Variants in NINJ2 observed in about 807,000 individuals in gnomAD.
The protein encoded by NINJ2 is ninjurin-2.
In NINJ2, 12 loss-of-function variants were observed where a neutral mutation model predicts 11.7. That is an observed-to-expected ratio of 1.02 (90% confidence interval 0.66 to 1.66). NINJ2 has a LOEUF of 1.66. Ranked by LOEUF, NINJ2 falls within the 40% of genes most tolerant of loss-of-function variation. The pLI is 0.00. For synonymous variants in NINJ2, 93 were observed against 76.8 expected, an observed-to-expected ratio of 1.21 and a Z score of -1.10; for missense variants, 187 against 181.8, an observed-to-expected ratio of 1.03 and a Z score of -0.16.
intron 1 of NINJ2, among the ~76,000 whole-genome samples, chr12:653,218 C>T (rs1204864545): frequency 1.3e-5 from 2 of 151,734 alleles, no homozygotes; most frequent in Admixed American, 1.3e-4. Context: ...GACGAGGTTT[C>T]ACCTTGTTAG....
chr12:634,001 C>T (rs1458092139), intron 1 of NINJ2, among the ~76,000 whole-genome samples: 1 of 152,134 alleles, frequency 6.6e-6, no homozygotes, highest in African/African-American at 2.4e-5. Context: ...CTCATTCCTG[C>T]CTGTTTCATT....
intron 1 of NINJ2, among the ~76,000 whole-genome samples, chr12:657,230 T>C (rs1228408146): frequency 6.6e-6 from 1 of 152,190 alleles, no homozygotes; most frequent in Non-Finnish European, 1.5e-5. Context: ...GGAGAAAATA[T>C]CTGCAAAAGA....
At chr12:653,622 A>G (rs1385646975) in intron 1 of NINJ2, among the ~76,000 whole-genome samples, 1 of 152,202 alleles carries the variant, frequency 6.6e-6, no homozygotes, top group Non-Finnish European at 1.5e-5. Flanking sequence ...GTTAAAAAAA[A>G]GTACAACTGA....
intron 1 of NINJ2, among the ~76,000 whole-genome samples, chr12:615,740 T>C (rs1243507308): frequency 1.3e-5 from 2 of 152,218 alleles, no homozygotes; most frequent in African/African-American, 4.8e-5. Context: ...GCACGTACCA[T>C]GGGCTATTAG....
chr12:622,907 C>A (rs1339774043), intron 1 of NINJ2, among the ~76,000 whole-genome samples: 1 of 152,096 alleles, frequency 6.6e-6, no homozygotes, highest in Admixed American at 6.5e-5. Flanking sequence ...GTTAGGAAAA[C>A]CTGCTCTTGT....
intron 1 of NINJ2, among the ~76,000 whole-genome samples, chr12:651,174 A>C (rs1457291836): frequency 6.6e-6 from 1 of 152,214 alleles, no homozygotes; most frequent in Non-Finnish European, 1.5e-5. Flanking sequence ...TGTCAGAGAA[A>C]AATCTCCTCA....
At chr12:622,856 C>G (rs1279882865) in intron 1 of NINJ2, among the ~76,000 whole-genome samples, 2 of 152,016 alleles carry the variant, frequency 1.3e-5, no homozygotes, top group South Asian at 4.2e-4. Context: ...CTCCTGAGTT[C>G]ACATGGACCC....
intron 1 of NINJ2, among the ~76,000 whole-genome samples, chr12:601,564 T>A (rs1048052029): frequency 6.0e-5 from 8 of 134,408 alleles, no homozygotes; most frequent in African/African-American, 1.7e-4. Flanking sequence ...AAAAAAAAAA[T>A]AAATAAATAA....
At position 581,477 on chromosome 12, in the gene NINJ2, C is replaced by T. The variant is rs1947554578; in HGVS notation, c.34-15299G>A. Among the ~76,000 whole-genome samples the T allele has an allele frequency of 6.6e-6, 1 of 152,154 alleles. No homozygotes were observed. Among genetic ancestry groups the T allele is most frequent in the Non-Finnish European group, 1.5e-5 (1 of 68,022 alleles). On this transcript the variant is annotated intron_variant, in intron 1 of 3. Coordinates refer to ENST00000305108, the MANE Select transcript of NINJ2 (RefSeq NM_016533.6). The surrounding 1 kb of genome is among the most constrained non-coding windows in gnomAD (Gnocchi z 4.9). ...GAACCAGCCTGCCTGGATTGCCTGGCCCTAGGACTCATGCCTTTTCCCTGC... is the reference window on the plus strand; with the variant it reads ...GAACCAGCCTGCCTGGATTGCCTGGTCCTAGGACTCATGCCTTTTCCCTGC...
chr12:653,084 G>A (rs1271560968), intron 1 of NINJ2, among the ~76,000 whole-genome samples: 6 of 136,824 alleles, frequency 4.4e-5, no homozygotes, highest in Non-Finnish European at 9.1e-5. Flanking sequence ...GCAGTGGTGC[G>A]ATCTTGGCTC....
chr12:566,640 C>T lies in NINJ2; in HGVS notation c.34-462G>A, dbSNP rs148438914. Among the ~76,000 whole-genome samples the T allele has an allele frequency of 3.3e-5, 5 of 152,282 alleles. No individual in the cohort carries two copies. In the East Asian group the frequency reaches 9.6e-4, roughly 29 times the overall value. On this transcript the variant is annotated intron_variant, in intron 1 of 3. Transcript: ENST00000305108. Reference sequence around the variant, plus strand: ...CCTCCTCTCGCATAATGCTGTGGCCCCCAAGGCAGGGTGCACAGCTCAGCA... The same window carrying T: ...CCTCCTCTCGCATAATGCTGTGGCCTCCAAGGCAGGGTGCACAGCTCAGCA...
intron 1 of NINJ2, among the ~76,000 whole-genome samples, chr12:615,454 G>A (rs111468587): frequency 0.055 from 8,352 of 152,206 alleles, 282 homozygotes; most frequent in Non-Finnish European, 0.074. Flanking sequence ...CGGGCGTAGT[G>A]GCGCATGCCT....
chr12:598,917 C>T (rs1408893944), intron 1 of NINJ2, among the ~76,000 whole-genome samples: 1 of 150,774 alleles, frequency 6.6e-6, no homozygotes, highest in Non-Finnish European at 1.5e-5. Flanking sequence ...CCAGGCTGGT[C>T]TCGAACTCCT....
chr12:627,921 C>T (rs759181152), intron 1 of NINJ2, among the ~76,000 whole-genome samples: 49 of 152,150 alleles, frequency 3.2e-4, no homozygotes, highest in African/African-American at 1.1e-3. Context: ...AGCGATAGAG[C>T]GAGACTCCGT....
intron 1 of NINJ2, chr12:610,382 G>A: frequency 6.5e-7 from 1 of 1,535,540 alleles, no homozygotes; most frequent in East Asian, 2.4e-5. Context: ...TTGCTGACTT[G>A]GAACTGAAGC....
chr12:626,332 C>T lies in NINJ2; in HGVS notation c.33+36996G>A, dbSNP rs192936350. 2.6e-5 allele frequency among the ~76,000 whole-genome samples: 4 copies of T among 152,318 alleles called. No individual in the cohort carries two copies. The South Asian group carries it at 6.2e-4, about 24-fold the overall frequency. Reference sequence around the variant, plus strand: ...TGGTGTAGGCCTGAAAAAAGAGCTGCGTTAGTGAGGAGGTAGTGGGAGCTA... The same window carrying T: ...TGGTGTAGGCCTGAAAAAAGAGCTGTGTTAGTGAGGAGGTAGTGGGAGCTA... On this transcript the variant is annotated intron_variant, in intron 1 of 3. Coordinates refer to ENST00000305108, the MANE Select transcript of NINJ2 (RefSeq NM_016533.6).
chr12:601,187 A>C (rs2120905664), intron 1 of NINJ2, among the ~76,000 whole-genome samples: 1 of 152,378 alleles, frequency 6.6e-6, no homozygotes, highest in South Asian at 2.1e-4. Context: ...GCATGTAACT[A>C]GGTAGCTGCT....
chr12:608,947 GGTT>G (rs975332970), intron 1 of NINJ2, among the ~76,000 whole-genome samples: 89 of 152,208 alleles, frequency 5.8e-4, no homozygotes, highest in Middle Eastern at 3.4e-3. Flanking sequence ...GTGCTTTCTG[GGTT>G]GTTGTTGTTT....
chr12:648,988 A>ATCTG (rs10648707), intron 1 of NINJ2, among the ~76,000 whole-genome samples: 109,125 of 149,978 alleles, frequency 0.73, 39,403 homozygotes, highest in Admixed American at 0.75. Flanking sequence ...CTATCTATCT[A>ATCTG]TCTATCTGTC....
Sources: allele counts gnomAD v4.1 joint callset (sites outside exome capture counted in the v4.1 genomes callset), GRCh38; gene constraint gnomAD v4.1.1; non-coding constraint Gnocchi (gnomAD v3.1); transcripts MANE v1.5; gene names NCBI Gene and HGNC (gene_info 2026-07-23, HGNC 2026-07-21).